STK3: variants seen among roughly 807,000 people sequenced by gnomAD.
The protein encoded by STK3 is serine/threonine kinase 3.
Under a neutral mutation model 58.0 loss-of-function variants are expected in STK3, and 41 were observed. The ratio of observed to expected loss-of-function variants is 0.71; its 90% CI spans 0.55 to 0.92. STK3 has a LOEUF of 0.92. Among genes scored for constraint, STK3 ranks in the 40% least tolerant of loss-of-function variants. The pLI is 0.00. For missense variants in STK3, 479 were observed against 602.7 expected, an observed-to-expected ratio of 0.79 and a Z score of 2.15; for synonymous variants, 170 against 191.0, an observed-to-expected ratio of 0.89 and a Z score of 0.91.
downstream of STK3, among the ~76,000 whole-genome samples, chr8:98,369,875 C>A (rs981607184): frequency 8.5e-5 from 13 of 152,116 alleles, no homozygotes; most frequent in Non-Finnish European, 1.6e-4. Context: ...CCAAGCACAT[C>A]TGAAATGTGG....
rs141980590 is a variant in STK3 at position 98,932,903 on chromosome 8, C to A, written c.-79+9475G>T. Among the ~76,000 whole-genome samples, 939 of 152,288 alleles carry A rather than the reference C, an allele frequency of 6.2e-3. 6 individuals carry two copies. Among genetic ancestry groups the A allele is most frequent in the Non-Finnish European group, 8.1e-3 (549 of 68,020 alleles). On this transcript the variant is annotated intron_variant, in intron 1 of 1. Coordinates refer to the STK3 transcript ENST00000519420. The stretch of plus-strand genomic sequence containing the variant: ...GCTTCAATCTAGACTGTTACCTGGT[C>A]ATAAGAGAAAGAGCCTTTTGCCTGA...
intron 1 of STK3, chr8:98,782,486 AC>A: frequency 3.6e-6 from 1 of 279,872 alleles, no homozygotes. Context: ...AGGCACACAG[AC>A]CCACAAGATG....
chr8:98,904,648 G>C, intron 1 of STK3: 1 of 629,584 alleles, frequency 1.6e-6, no homozygotes, highest in Non-Finnish European at 3.0e-6. Context: ...GTTCATACCG[G>C]GCCATGTCGT....
At chr8:98,873,115 G>A (rs986298091) in intron 3 of STK3, among the ~76,000 whole-genome samples, 1 of 152,118 alleles carries the variant, frequency 6.6e-6, no homozygotes, top group Non-Finnish European at 1.5e-5. Context: ...TCATTCAGGA[G>A]CAGGTTGTTC....
At chr8:98,630,141 T>C (rs1275558668) in intron 6 of STK3, among the ~76,000 whole-genome samples, 1 of 152,214 alleles carries the variant, frequency 6.6e-6, no homozygotes, top group Non-Finnish European at 1.5e-5. Context: ...CTATGAGCAC[T>C]ATGTGGCGTG....
chr8:98,903,553 CTTCCTT>C (rs1330651685), intron 1 of STK3, among the ~76,000 whole-genome samples: 283 of 15,316 alleles, frequency 0.018, 19 homozygotes, highest in African/African-American at 0.079. Flanking sequence ...TCTTCTTCTT[CTTCCTT>C]TTTTTTTTTT....
chr8:98,491,193 G>GAC lies in STK3; in HGVS notation c.1318-35194_1318-35193insGT, dbSNP rs1554601945. Among the ~76,000 whole-genome samples the GAC allele has an allele frequency of 7.6e-3, 1,076 of 141,852 alleles. 8 individuals carry two copies. Among genetic ancestry groups the GAC allele is most frequent in the African/African-American group, 0.026 (1,007 of 38,682 alleles). The allele number at this position is 141,852 out of a possible 152,430, so 93.1% of individuals were successfully genotyped here. ...AGAGAGAGAGAGAGAGAGAGAGAGA[G>GAC]AGAGAGACAGAGAGAGAGAGAGAAG... On this transcript the variant is annotated intron_variant, in intron 10 of 10. Transcript: ENST00000419617.
chr8:98,747,213 T>C (rs1829701817), intron 4 of STK3, among the ~76,000 whole-genome samples: 1 of 150,720 alleles, frequency 6.6e-6, no homozygotes, highest in Non-Finnish European at 1.5e-5. Context: ...CATAAATATA[T>C]GAGTAAATAT....
intron 1 of STK3, among the ~76,000 whole-genome samples, chr8:98,448,355 A>G (rs560318426): frequency 5.0e-4 from 76 of 152,296 alleles, no homozygotes; most frequent in Non-Finnish European, 9.3e-4. Flanking sequence ...CACATTTCAG[A>G]TTCCTCCATG....
chr8:98,764,871 AC>A (rs1192502178), intron 3 of STK3, among the ~76,000 whole-genome samples: 1 of 152,156 alleles, frequency 6.6e-6, no homozygotes, highest in African/African-American at 2.4e-5. Flanking sequence ...AACATGAAGG[AC>A]CTTGTATGCC....
At chr8:98,581,883 T>C (rs1306569048) in intron 7 of STK3, among the ~76,000 whole-genome samples, 2 of 152,068 alleles carry the variant, frequency 1.3e-5, no homozygotes, top group African/African-American at 4.8e-5. Flanking sequence ...GTTTTAGCTG[T>C]ACTTTAATGA....
chr8:98,625,322 G>A (rs1818634499), intron 6 of STK3, among the ~76,000 whole-genome samples: 1 of 151,958 alleles, frequency 6.6e-6, no homozygotes, highest in African/African-American at 2.4e-5. Flanking sequence ...CATCATTATA[G>A]TAAAGATCAA....
intron 3 of STK3, among the ~76,000 whole-genome samples, chr8:98,846,124 GC>G (rs1836191053): frequency 6.6e-6 from 1 of 152,214 alleles, no homozygotes; most frequent in Non-Finnish European, 1.5e-5. Context: ...TCATTCAGAT[GC>G]ATCTATGTGA....
intron 1 of STK3, among the ~76,000 whole-genome samples, chr8:98,910,575 C>T (rs765616262): frequency 3.3e-5 from 5 of 152,148 alleles, no homozygotes; most frequent in Non-Finnish European, 5.9e-5. Context: ...AATATTTTTA[C>T]GAAAATCCTG....
At chr8:98,816,855 A>T (rs1430527280) in intron 1 of STK3, among the ~76,000 whole-genome samples, 1 of 152,070 alleles carries the variant, frequency 6.6e-6, no homozygotes, top group Non-Finnish European at 1.5e-5. Flanking sequence ...TTTCTTAATC[A>T]TCAAGACTAA....
chr8:98,547,914 T>C (rs1810842954), intron 9 of STK3, 55 bp downstream of exon 9: 9 of 1,430,290 alleles, frequency 6.3e-6, no homozygotes, highest in Non-Finnish European at 8.3e-6. Context: ...CTGGTTCCTA[T>C]AAAAGTATCC....
At chr8:98,419,173 C>T (rs961498572) in intron 3 of STK3, among the ~76,000 whole-genome samples, 11 of 152,120 alleles carry the variant, frequency 7.2e-5, no homozygotes, top group African/African-American at 2.7e-4. Context: ...CCAGCCTGGC[C>T]AACATGGTGA....
At chr8:98,701,485 G>A (rs571473193) in intron 6 of STK3, among the ~76,000 whole-genome samples, 1 of 152,042 alleles carries the variant, frequency 6.6e-6, no homozygotes, top group Non-Finnish European at 1.5e-5. Context: ...TTGGCATGGT[G>A]GTGCGCACTT....
At chr8:98,721,405 CTA>C in intron 4 of STK3, among the ~76,000 whole-genome samples, 1 of 151,958 alleles carries the variant, frequency 6.6e-6, no homozygotes. Flanking sequence ...TGGCACAGGC[CTA>C]TAGTCTCAGC....
Sources: gnomAD v4.1 joint callset for allele counts (sites outside exome capture counted in the v4.1 genomes callset) on GRCh38, gnomAD v4.1.1 for gene constraint, MANE v1.5 for transcripts, NCBI Gene and HGNC (gene_info 2026-07-23, HGNC 2026-07-21) for gene names.